TMEM245: variants seen among roughly 807,000 people sequenced by gnomAD.
TMEM245 encodes the protein protein CG-2.
Under a neutral mutation model 101.2 loss-of-function variants are expected in TMEM245, and 69 were observed. That is an observed-to-expected ratio of 0.68 (90% CI 0.56 to 0.83). The LOEUF is 0.83. Among genes scored for constraint, TMEM245 ranks in the 40% least tolerant of loss-of-function variants. The pLI, the probability that TMEM245 is intolerant of heterozygous loss-of-function variation, is 0.00. For missense variants in TMEM245, 1,075 were observed against 1,092.8 expected, an observed-to-expected ratio of 0.98 and a Z score of 0.23; for synonymous variants, 537 against 449.8, an observed-to-expected ratio of 1.19 and a Z score of -2.45.
At chr9:109,022,564 A>G (rs1422391727) in intron 17 of TMEM245, among the ~76,000 whole-genome samples, 1 of 152,046 alleles carries the variant, frequency 6.6e-6, no homozygotes, top group Non-Finnish European at 1.5e-5. Context: ...GTTTTGCAGC[A>G]TCCCCGGCCT....
intron 6 of TMEM245, among the ~76,000 whole-genome samples, 166 bp downstream of exon 6, chr9:109,087,007 T>A (rs971293841): frequency 1.3e-5 from 2 of 152,190 alleles, no homozygotes; most frequent in Non-Finnish European, 2.9e-5. Flanking sequence ...AGTAAACCCA[T>A]CTTATCCTTG....
chr9:109,029,507 G>A (rs569799229), intron 17 of TMEM245, among the ~76,000 whole-genome samples: 43 of 152,308 alleles, frequency 2.8e-4, no homozygotes, highest in Non-Finnish European at 2.4e-4. Flanking sequence ...AAAATTTCAA[G>A]CATAGAATTC....
chr9:109,035,524 C>T (rs768682265), intron 16 of TMEM245, among the ~76,000 whole-genome samples: 13 of 152,142 alleles, frequency 8.5e-5, no homozygotes, highest in Non-Finnish European at 1.6e-4. Flanking sequence ...TTAGAGAGCT[C>T]TGCTTGCCAG....
At position 109,050,709 on chromosome 9, in the gene TMEM245, G is replaced by A; in HGVS notation, c.1855-17C>T. The stretch of plus-strand genomic sequence containing the variant: ...CTCCAAGATCTGACGAGGAAGGAAA[G>A]CTGGATATCAGAACCAATCCTCATG... On this transcript the variant is annotated splice_polypyrimidine_tract_variant and intron_variant, in intron 12 of 17. Coordinates refer to ENST00000374586, the MANE Select transcript of TMEM245 (RefSeq NM_032012.4). 6.2e-7 allele frequency: 1 copy of A among 1,611,552 alleles called. No homozygotes were observed. The highest frequency in any genetic ancestry group is 8.5e-7 in the Non-Finnish European group (1 of 1,179,538).
At chr9:109,105,890 A>G (rs1830400902) in intron 3 of TMEM245, among the ~76,000 whole-genome samples, 1 of 152,070 alleles carries the variant, frequency 6.6e-6, no homozygotes, top group Non-Finnish European at 1.5e-5. Flanking sequence ...CTTCTGCCTC[A>G]GCCTCCCGAG....
intron 8 of TMEM245, among the ~76,000 whole-genome samples, chr9:109,074,813 C>T (rs1010332538): frequency 6.6e-5 from 10 of 152,256 alleles, no homozygotes; most frequent in South Asian, 2.1e-4. Context: ...CCAATTCTAT[C>T]GGGCCCCAGA....
chr9:109,057,352 T>C, intron 11 of TMEM245, 30 bp from the exon 12 acceptor site: 1 of 1,597,638 alleles, frequency 6.3e-7, no homozygotes, highest in Non-Finnish European at 8.5e-7. Context: ...AGACATGAAA[T>C]TCCCATCTTA....
chr9:109,044,639 C>T (rs904331905), intron 14 of TMEM245, among the ~76,000 whole-genome samples: 1 of 152,122 alleles, frequency 6.6e-6, no homozygotes, highest in East Asian at 1.9e-4. Context: ...AAAGTACTCG[C>T]CAGCTCCCTT....
At chr9:109,053,080 T>C (rs561151646) in intron 12 of TMEM245, among the ~76,000 whole-genome samples, 1 of 152,148 alleles carries the variant, frequency 6.6e-6, no homozygotes, top group African/African-American at 2.4e-5. Flanking sequence ...GCAGGCACAA[T>C]AGCAAGGCCC....
chr9:109,101,349 C>G (rs1202040107), intron 3 of TMEM245, among the ~76,000 whole-genome samples: 1 of 152,144 alleles, frequency 6.6e-6, no homozygotes, highest in Non-Finnish European at 1.5e-5. Flanking sequence ...AGAGCCGATG[C>G]ACACACTGTT....
At chr9:109,119,036 G>A (rs1440816779) in intron 1 of TMEM245, among the ~76,000 whole-genome samples, 2 of 152,212 alleles carry the variant, frequency 1.3e-5, no homozygotes, top group Non-Finnish European at 2.9e-5. Flanking sequence ...CATGCTCTGA[G>A]GCCTCTCTCT....
chr9:109,085,441 G>A (rs1829802038), intron 7 of TMEM245, among the ~76,000 whole-genome samples: 1 of 152,066 alleles, frequency 6.6e-6, no homozygotes, highest in Admixed American at 6.5e-5. Context: ...TCATACCTTG[G>A]AGAAAACACA....
intron 12 of TMEM245, among the ~76,000 whole-genome samples, chr9:109,051,030 C>A (rs1828664116): frequency 6.6e-6 from 1 of 151,920 alleles, no homozygotes; most frequent in Non-Finnish European, 1.5e-5. Context: ...GTGGCTCATG[C>A]CTGTAATCCC....
intron 9 of TMEM245, among the ~76,000 whole-genome samples, chr9:109,070,063 A>G (rs1224924115): frequency 6.6e-6 from 1 of 152,028 alleles, no homozygotes; most frequent in Non-Finnish European, 1.5e-5. Context: ...TTGTGAACCT[A>G]TTGTTTTTTG....
intron 17 of TMEM245, among the ~76,000 whole-genome samples, chr9:109,031,887 G>A (rs1482063209): frequency 6.6e-6 from 1 of 152,136 alleles, no homozygotes; most frequent in Non-Finnish European, 1.5e-5. Flanking sequence ...TTTAATATCT[G>A]TACTTACAAA....
Position 109,017,849 on chromosome 9 carries a change from C to T in TMEM245, c.*2611G>A, listed in dbSNP as rs2132252527. 1 of 152,308 alleles carries T rather than the reference C, an allele frequency of 6.6e-6. No homozygotes were observed. Among genetic ancestry groups the T allele is most frequent in the South Asian group, 2.1e-4 (1 of 4,834 alleles). The allele number at this position is 152,308 out of a possible 1,614,324, so 9.4% of individuals were successfully genotyped here. ...ATTCTGTAAACCTTCCTCATTGCATCTGAGGAATCATGCTGGAATGCTTCT... is the reference window on the plus strand; with the variant it reads ...ATTCTGTAAACCTTCCTCATTGCATTTGAGGAATCATGCTGGAATGCTTCT... On this transcript the variant is annotated 3_prime_UTR_variant, in exon 18 of 18. Coordinates refer to ENST00000374586, the MANE Select transcript of TMEM245 (RefSeq NM_032012.4).
chr9:109,016,736 T>C lies in TMEM245; in HGVS notation c.*3724A>G, dbSNP rs1214024933. 1 of 151,134 alleles carries C rather than the reference T, an allele frequency of 6.6e-6. No individual in the cohort carries two copies. Among genetic ancestry groups the C allele is most frequent in the African/African-American group, 2.4e-5 (1 of 41,094 alleles). 9.4% of individuals were successfully genotyped at this position (151,134 alleles called of 1,614,324 possible). ...ATGAATATATTTTGATGGCAGAATG[T>C]TGAAAGACAAGAAACTAATAAAAAG... is the stretch of plus-strand genomic sequence containing the variant. On this transcript the variant is annotated 3_prime_UTR_variant, in exon 18 of 18. Coordinates refer to ENST00000374586, the MANE Select transcript of TMEM245 (RefSeq NM_032012.4).
intron 14 of TMEM245, among the ~76,000 whole-genome samples, chr9:109,040,697 T>C (rs1026938244): frequency 1.3e-5 from 2 of 152,260 alleles, no homozygotes; most frequent in South Asian, 2.1e-4. Context: ...CACGTTGTCG[T>C]GTAGCTTTTG....
intron 12 of TMEM245, among the ~76,000 whole-genome samples, chr9:109,054,890 T>C (rs1463036071): frequency 6.6e-6 from 1 of 152,208 alleles, no homozygotes; most frequent in Non-Finnish European, 1.5e-5. Flanking sequence ...AAATTGGAAA[T>C]TAGTAAGCAC....
Sources: allele counts gnomAD v4.1 joint callset (sites outside exome capture counted in the v4.1 genomes callset), GRCh38; gene constraint gnomAD v4.1.1; transcripts MANE v1.5; gene names NCBI Gene and HGNC (gene_info 2026-07-23, HGNC 2026-07-21).